TGFBR3: variants seen among roughly 807,000 people sequenced by gnomAD.
The protein encoded by TGFBR3 is transforming growth factor beta receptor type 3.
A neutral mutation model predicts 87.9 loss-of-function variants in TGFBR3; 46 were observed. The observed-to-expected ratio is 0.52, with a 90% confidence interval of 0.41 to 0.67. TGFBR3 has a LOEUF of 0.67. Among genes scored for constraint, TGFBR3 ranks in the 30% least tolerant of loss-of-function variants. The pLI is 0.00. For missense variants in TGFBR3, 866 were observed against 1,041.9 expected (o/e 0.83, Z 2.32); for synonymous variants, 381 against 391.6 (o/e 0.97, Z 0.32).
chr1:91,825,307 A>C (rs1676593500), intron 2 of TGFBR3, among the ~76,000 whole-genome samples: 1 of 152,254 alleles, frequency 6.6e-6, no homozygotes, highest in Non-Finnish European at 1.5e-5. Context: ...CTTGGCCATA[A>C]AAAGGAATGA....
At chr1:91,849,107 T>C (rs1022273023) in intron 2 of TGFBR3, among the ~76,000 whole-genome samples, 2 of 152,178 alleles carry the variant, frequency 1.3e-5, no homozygotes, top group Non-Finnish European at 2.9e-5. Context: ...GGGTCCTTCC[T>C]TCTAATAAGG....
intron 4 of TGFBR3, 26 bp from the exon 5 acceptor site, chr1:91,734,985 A>T: frequency 6.2e-7 from 1 of 1,613,632 alleles, no homozygotes; most frequent in Non-Finnish European, 8.5e-7. Context: ...TTGCGTATTT[A>T]ACATGGTGCA....
At chr1:91,895,476 A>G (rs957565750) in intron 2 of TGFBR3, among the ~76,000 whole-genome samples, 8 of 152,120 alleles carry the variant, frequency 5.3e-5, no homozygotes, top group Non-Finnish European at 7.4e-5. Flanking sequence ...TAAATTACCC[A>G]GTATCAGGTA....
chr1:91,699,431 CTTTT>C (rs60223260), intron 14 of TGFBR3, among the ~76,000 whole-genome samples: 19 of 80,840 alleles, frequency 2.4e-4, no homozygotes, highest in African/African-American at 7.6e-4. Flanking sequence ...CTTTCTTTTG[CTTTT>C]TTTTTTTTTT....
rs769235100 is a variant in TGFBR3 at position 91,683,710 on chromosome 1, TGGGTTGGGCC to T, written c.*19_*28del. 3.7e-5 allele frequency: 54 copies of T among 1,450,786 alleles called. No homozygotes were observed. Among genetic ancestry groups the T allele is most frequent in the South Asian group, 1.2e-4 (10 of 82,162 alleles). The allele number at this position is 1,450,786 out of a possible 1,614,324, so 89.9% of individuals were successfully genotyped here. On this transcript the variant is annotated 3_prime_UTR_variant, in exon 17 of 17. Transcript: ENST00000212355. ...GTAGCTGAGCTGAGCTGGGCTGGGCTGGGTTGGGCCGGGTTGGGCTGGGTTGGGCTAGGCC... is the reference window on the plus strand; with the variant it reads ...GTAGCTGAGCTGAGCTGGGCTGGGCTGGGTTGGGCTGGGTTGGGCTAGGCC...
intron 1 of TGFBR3, among the ~76,000 whole-genome samples, chr1:91,862,702 C>G (rs1000792726): frequency 2.6e-5 from 4 of 152,204 alleles, no homozygotes; most frequent in Admixed American, 2.6e-4. Flanking sequence ...GTTCAATTAA[C>G]AAACATGTAC....
intron 3 of TGFBR3, among the ~76,000 whole-genome samples, chr1:91,772,457 G>T (rs1439491300): frequency 2.0e-4 from 30 of 152,042 alleles, no homozygotes; most frequent in Admixed American, 1.9e-3. Context: ...TAGACTTGAG[G>T]AGTTTGTTCC....
At chr1:91,903,173 T>C (rs1679769234) in intron 1 of TGFBR3, among the ~76,000 whole-genome samples, 1 of 151,180 alleles carries the variant, frequency 6.6e-6, no homozygotes, top group Non-Finnish European at 1.5e-5. Flanking sequence ...ACCCTGTCTC[T>C]ACTAAAAATA....
intron 3 of TGFBR3, among the ~76,000 whole-genome samples, chr1:91,777,466 C>G (rs1347270004): frequency 6.6e-6 from 1 of 152,090 alleles, no homozygotes; most frequent in Non-Finnish European, 1.5e-5. Context: ...CCTTTCAGCC[C>G]TCTGCCAAAC....
At chr1:91,777,352 G>A (rs1674601370) in intron 3 of TGFBR3, among the ~76,000 whole-genome samples, 1 of 152,146 alleles carries the variant, frequency 6.6e-6, no homozygotes, top group Non-Finnish European at 1.5e-5. Flanking sequence ...ACCATCAGAT[G>A]AAGCTTTCAC....
At chr1:91,855,226 G>A (rs369519281) in intron 2 of TGFBR3, among the ~76,000 whole-genome samples, 3 of 152,318 alleles carry the variant, frequency 2.0e-5, no homozygotes, top group South Asian at 2.1e-4. Context: ...GTTTGCAGGC[G>A]AGTTTCCAAA....
intron 2 of TGFBR3, among the ~76,000 whole-genome samples, chr1:91,821,893 T>C (rs1480239054): frequency 6.6e-6 from 1 of 152,242 alleles, no homozygotes; most frequent in Non-Finnish European, 1.5e-5. Context: ...TTTACTATTA[T>C]TAACCAGGTT....
At chr1:91,838,646 T>C (rs1677152639) in intron 2 of TGFBR3, among the ~76,000 whole-genome samples, 1 of 151,300 alleles carries the variant, frequency 6.6e-6, no homozygotes, top group African/African-American at 2.4e-5. Context: ...TTTTTTGTAT[T>C]TTTTAGTAGA....
At chr1:91,747,658 C>A (rs1339583275) in intron 4 of TGFBR3, among the ~76,000 whole-genome samples, 1 of 137,386 alleles carries the variant, frequency 7.3e-6, no homozygotes, top group Non-Finnish European at 1.7e-5. Context: ...GCTATGCAAT[C>A]AAACACTCAT....
chr1:91,716,835 A>G, intron 10 of TGFBR3, 127 bp from the exon 11 acceptor site: 1 of 1,203,200 alleles, frequency 8.3e-7, no homozygotes, highest in South Asian at 1.2e-5. Flanking sequence ...AAGACAAAAT[A>G]ATAAAATAAC....
intron 3 of TGFBR3, among the ~76,000 whole-genome samples, chr1:91,759,399 A>C (rs1673875087): frequency 6.6e-6 from 1 of 151,754 alleles, no homozygotes; most frequent in African/African-American, 2.4e-5. Flanking sequence ...AAAAAAAAAA[A>C]AAAAAACAGG....
chr1:91,716,170 G>T (rs1672160689), intron 12 of TGFBR3, 66 bp downstream of exon 12: 2 of 1,594,130 alleles, frequency 1.3e-6, no homozygotes. Context: ...GGGTATTTTA[G>T]CTGATGTCTA....
At position 91,687,007 on chromosome 1, in the gene TGFBR3, G is replaced by A. The variant is rs368578369; in HGVS notation, c.2438-3150C>T. On this transcript the variant is annotated intron_variant, in intron 16 of 16. Transcript: ENST00000212355. The stretch of plus-strand genomic sequence containing the variant: ...TATCAAACCACATTGAGGGAACAGA[G>A]ATTTGAGAGGAGGGAGAGTGAGTAG... Among the ~76,000 whole-genome samples the A allele has an allele frequency of 4.6e-5, 7 of 152,340 alleles. No individual in the cohort carries two copies. The South Asian group carries it at 8.3e-4, about 18-fold the overall frequency.
intron 4 of TGFBR3, among the ~76,000 whole-genome samples, chr1:91,753,698 A>T (rs1217885199): frequency 6.6e-6 from 1 of 152,210 alleles, no homozygotes; most frequent in Non-Finnish European, 1.5e-5. Context: ...AATTGGAATC[A>T]TACAACTTGT....
Sources: allele counts gnomAD v4.1 joint callset (sites outside exome capture counted in the v4.1 genomes callset), GRCh38; gene constraint gnomAD v4.1.1; transcripts MANE v1.5; gene names NCBI Gene and HGNC (gene_info 2026-07-23, HGNC 2026-07-21).